KCNJ6: variants seen among roughly 807,000 people sequenced by gnomAD.
KCNJ6 encodes potassium inwardly rectifying channel subfamily J member 6.
A neutral mutation model predicts 34.2 loss-of-function variants in KCNJ6; 9 were observed. That is an observed-to-expected ratio of 0.26 (90% confidence interval 0.16 to 0.46). The LOEUF is 0.46. Among genes scored for constraint, KCNJ6 ranks in the 20% least tolerant of loss-of-function variants. The pLI, the probability that KCNJ6 is intolerant of heterozygous loss-of-function variation, is 1.00. For missense variants in KCNJ6, 236 were observed against 531.3 expected, an observed-to-expected ratio of 0.44 and a Z score of 5.46; for synonymous variants, 196 against 207.1, an observed-to-expected ratio of 0.95 and a Z score of 0.46.
At chr21:37,689,332 AT>A (rs2054629123) in intron 3 of KCNJ6, among the ~76,000 whole-genome samples, 1 of 158 alleles carries the variant, frequency 6.3e-3, no homozygotes, top group Admixed American at 0.1. Context: ...GTCTGATGGA[AT>A]GGATAAAGAA....
At chr21:37,894,054 C>T (rs975212702) in intron 1 of KCNJ6, among the ~76,000 whole-genome samples, 2 of 152,240 alleles carry the variant, frequency 1.3e-5, no homozygotes, top group African/African-American at 4.8e-5. Context: ...CTTATAACTT[C>T]AGGAAGCCTT....
chr21:37,888,844 T>C (rs1224026682), intron 1 of KCNJ6, among the ~76,000 whole-genome samples: 1 of 152,134 alleles, frequency 6.6e-6, no homozygotes, highest in African/African-American at 2.4e-5. Flanking sequence ...AGGTGTGTGG[T>C]TTGGACAAGC....
At chr21:37,905,758 C>T (rs1568891698) in intron 1 of KCNJ6, among the ~76,000 whole-genome samples, 1 of 152,188 alleles carries the variant, frequency 6.6e-6, no homozygotes, top group Non-Finnish European at 1.5e-5. Flanking sequence ...GAACTGAAGT[C>T]AGGGCATTTT....
intron 1 of KCNJ6, among the ~76,000 whole-genome samples, chr21:37,889,935 G>C (rs556783313): frequency 2.0e-4 from 30 of 152,200 alleles, no homozygotes; most frequent in Non-Finnish European, 4.0e-4. Context: ...ATTAGGCCTT[G>C]AGTATGTCTT....
chr21:37,890,682 T>C (rs1303515449), intron 1 of KCNJ6, among the ~76,000 whole-genome samples: 1 of 152,148 alleles, frequency 6.6e-6, no homozygotes, highest in Non-Finnish European at 1.5e-5. Context: ...AACCATGCAA[T>C]TGTAAATCAT....
intron 3 of KCNJ6, among the ~76,000 whole-genome samples, chr21:37,669,577 TTGTGTGTGTG>T (rs35169360): frequency 8.0e-5 from 12 of 149,078 alleles, no homozygotes; most frequent in South Asian, 4.3e-4. Flanking sequence ...TCTGTGTGTG[TTGTGTGTGTG>T]TGTGTGTGTG....
In KCNJ6 at chr21:37,870,797, G is replaced by A. The variant is rs143166866; in HGVS notation, c.-27-30088C>T. ...TGCTAACATCAAAGGGTGATCTGAT[G>A]ATGCCATCGTCCATCATGGCTCATT... On this transcript the variant is annotated intron_variant, in intron 1 of 3. Coordinates refer to ENST00000609713, the MANE Select transcript of KCNJ6 (RefSeq NM_002240.5). Among the ~76,000 whole-genome samples the A allele has an allele frequency of 1.4e-4, 22 of 152,276 alleles. No homozygotes were observed. In the East Asian group the frequency reaches 3.9e-3, roughly 27 times the overall value.
chr21:37,872,928 G>A (rs544192624), intron 1 of KCNJ6, among the ~76,000 whole-genome samples: 4 of 152,214 alleles, frequency 2.6e-5, no homozygotes, highest in African/African-American at 7.2e-5. Flanking sequence ...CTCTCTTGCC[G>A]AACTGTGAAG....
At chr21:37,750,383 A>T (rs1459229204) in intron 2 of KCNJ6, among the ~76,000 whole-genome samples, 1 of 152,210 alleles carries the variant, frequency 6.6e-6, no homozygotes, top group Non-Finnish European at 1.5e-5. Flanking sequence ...TACTGGGTAT[A>T]TACCCAAAGG....
chr21:37,690,148 T>C (rs2054633292), intron 3 of KCNJ6, among the ~76,000 whole-genome samples: 1 of 152,224 alleles, frequency 6.6e-6, no homozygotes. Flanking sequence ...AATATCTATA[T>C]ATTTGATAAA....
At chr21:37,708,343 C>T (rs1204590773) in intron 3 of KCNJ6, among the ~76,000 whole-genome samples, 1 of 152,182 alleles carries the variant, frequency 6.6e-6, no homozygotes, top group Non-Finnish European at 1.5e-5. Flanking sequence ...TGAACCAGAA[C>T]ACAGTGTCCC....
intron 3 of KCNJ6, among the ~76,000 whole-genome samples, chr21:37,633,017 T>C (rs2054340725): frequency 6.6e-6 from 1 of 151,844 alleles, no homozygotes; most frequent in African/African-American, 2.4e-5. Context: ...AAGTCATAAA[T>C]ATAGTACAAG....
intron 3 of KCNJ6, among the ~76,000 whole-genome samples, chr21:37,687,780 A>C (rs185459584): frequency 6.6e-6 from 1 of 152,272 alleles, no homozygotes; most frequent in Non-Finnish European, 1.5e-5. Context: ...CTTAGCTTCC[A>C]GCATCGGTCT....
rs900488342 is a variant in KCNJ6 at position 37,609,545 on chromosome 21, T to C, written c.*15614A>G. 2.0e-5 allele frequency: 3 copies of C among 152,176 alleles called. No individual in the cohort carries two copies. Among genetic ancestry groups the C allele is most frequent in the African/African-American group, 7.2e-5 (3 of 41,442 alleles). The allele number at this position is 152,176 out of a possible 1,614,324, so 9.4% of individuals were successfully genotyped here. On this transcript the variant is annotated 3_prime_UTR_variant, in exon 4 of 4. Transcript: ENST00000609713. ...CATTTTGGGCCTTAATATAATGCCA[T>C]TTTATTAGGAAAGACAAATACAATG...
intron 1 of KCNJ6, among the ~76,000 whole-genome samples, chr21:37,911,365 TC>T (rs376117191): frequency 6.6e-6 from 1 of 152,140 alleles, no homozygotes; most frequent in Non-Finnish European, 1.5e-5. Flanking sequence ...ACTGCCAATT[TC>T]CCCCTTACTG....
Position 37,780,811 on chromosome 21 carries a change from T to C in KCNJ6, c.25+59847A>G, listed in dbSNP as rs541909304. Among the ~76,000 whole-genome samples, 134 of 152,352 alleles carry C rather than the reference T, an allele frequency of 8.8e-4. 2 individuals carry two copies. Among genetic ancestry groups the C allele is most frequent in the African/African-American group, 3.2e-3 (132 of 41,578 alleles). On this transcript the variant is annotated intron_variant, in intron 2 of 3. Coordinates refer to ENST00000609713, the MANE Select transcript of KCNJ6 (RefSeq NM_002240.5). ...CATGATGCGATTATTATGCATTGCA[T>C]GCCTGTATCAAAACATCTCATGTAC...
intron 2 of KCNJ6, among the ~76,000 whole-genome samples, chr21:37,762,400 G>C (rs935577220): frequency 6.6e-6 from 1 of 152,108 alleles, no homozygotes; most frequent in Non-Finnish European, 1.5e-5. Flanking sequence ...CTTCCTGCTC[G>C]TCATTAGAAA....
At chr21:37,815,523 C>A (rs1168059403) in intron 2 of KCNJ6, among the ~76,000 whole-genome samples, 2 of 152,158 alleles carry the variant, frequency 1.3e-5, no homozygotes, top group Non-Finnish European at 2.9e-5. Context: ...AGTGTCAGTC[C>A]CACAAGTGAC....
At chr21:37,785,420 T>C (rs1196129456) in intron 2 of KCNJ6, among the ~76,000 whole-genome samples, 3 of 152,214 alleles carry the variant, frequency 2.0e-5, no homozygotes, top group African/African-American at 7.2e-5. Flanking sequence ...CTCACCGTGA[T>C]CCTCTTATCA....
Sources: allele counts gnomAD v4.1 joint callset (sites outside exome capture counted in the v4.1 genomes callset), GRCh38; gene constraint gnomAD v4.1.1; transcripts MANE v1.5; gene names NCBI Gene and HGNC (gene_info 2026-07-23, HGNC 2026-07-21).